POLK: variants seen among roughly 807,000 people sequenced by gnomAD.
The protein encoded by POLK is polymerase (DNA directed) kappa.
A neutral mutation model predicts 94.0 loss-of-function variants in POLK; 76 were observed. The ratio of observed to expected loss-of-function variants is 0.81; its 90% CI spans 0.67 to 0.98. POLK has a LOEUF of 0.98. POLK is among the 50% of genes least tolerant of loss of function. The pLI, the probability that POLK is intolerant of heterozygous loss-of-function variation, is 0.00. For missense variants in POLK, 954 were observed against 1,010.1 expected, an observed-to-expected ratio of 0.94 and a Z score of 0.75; for synonymous variants, 349 against 325.4, an observed-to-expected ratio of 1.07 and a Z score of -0.78.
intron 1 of POLK, among the ~76,000 whole-genome samples, chr5:75,516,739 T>C (rs1302150468): frequency 6.6e-6 from 1 of 152,232 alleles, no homozygotes; most frequent in African/African-American, 2.4e-5. Flanking sequence ...TACATTTTTC[T>C]AGTAGTTTCA....
At chr5:75,591,342 T>C (rs1441052288) in intron 11 of POLK, among the ~76,000 whole-genome samples, 1 of 152,214 alleles carries the variant, frequency 6.6e-6, no homozygotes, top group African/African-American at 2.4e-5. Flanking sequence ...AAAAAATTAC[T>C]ACAAAGAGTG....
intron 3 of POLK, among the ~76,000 whole-genome samples, chr5:75,557,027 C>CAT (rs1770660790): frequency 6.6e-6 from 1 of 152,114 alleles, no homozygotes; most frequent in African/African-American, 2.4e-5. Context: ...TGCACCACTG[C>CAT]ACTCCAGCCT....
intron 4 of POLK, among the ~76,000 whole-genome samples, chr5:75,573,326 A>G (rs552125898): frequency 6.6e-6 from 1 of 152,142 alleles, no homozygotes; most frequent in Non-Finnish European, 1.5e-5. Context: ...GAACACGTGG[A>G]CACAGGAAGG....
intron 1 of POLK, among the ~76,000 whole-genome samples, chr5:75,538,105 C>G (rs1266878035): frequency 1.3e-5 from 2 of 152,310 alleles, no homozygotes; most frequent in Admixed American, 6.5e-5. Flanking sequence ...ATCCACCCGC[C>G]TCGGCCTCCC....
At chr5:75,556,814 C>G (rs867613275) in intron 3 of POLK, among the ~76,000 whole-genome samples, 25 of 151,962 alleles carry the variant, frequency 1.6e-4, no homozygotes, top group African/African-American at 5.8e-4. Flanking sequence ...GTAATCCCAG[C>G]ACTTTGGGAG....
chr5:75,555,387 A>G lies in POLK; in HGVS notation c.255+2796A>G, dbSNP rs575419692. Among the ~76,000 whole-genome samples the G allele has an allele frequency of 7.0e-4, 107 of 152,206 alleles. 1 individual carries two copies. Among genetic ancestry groups the G allele is most frequent in the African/African-American group, 2.5e-3 (104 of 41,544 alleles). On this transcript the variant is annotated intron_variant, in intron 3 of 14. Coordinates refer to ENST00000241436, the Ensembl canonical transcript of POLK. ...TTTTCCCTTTTCCAGAATGTCATAT[A>G]TTAGAATCATACAGGATGTAGCCTT... is the stretch of plus-strand genomic sequence containing the variant.
chr5:75,597,584 T>C (rs1054950309), intron 13 of POLK, 163 bp from the exon 14 acceptor site: 5 of 439,722 alleles, frequency 1.1e-5, no homozygotes, highest in Admixed American at 7.9e-5. Flanking sequence ...CTAATAAAAT[T>C]AGTAAATTAC....
At chr5:75,510,862 C>A (rs1767932018), upstream of POLK, among the ~76,000 whole-genome samples, 1 of 152,202 alleles carries the variant, frequency 6.6e-6, no homozygotes, top group Non-Finnish European at 1.5e-5. Flanking sequence ...TCACGGCGCG[C>A]ATCTGGCCTC....
At chr5:75,532,855 CAT>C (rs879336320) in intron 1 of POLK, among the ~76,000 whole-genome samples, 7 of 152,060 alleles carry the variant, frequency 4.6e-5, no homozygotes, top group Non-Finnish European at 7.4e-5. Flanking sequence ...AGCATTTTTT[CAT>C]ATGTTTGTTA....
intron 12 of POLK, among the ~76,000 whole-genome samples, chr5:75,595,612 A>AT (rs1181488224): frequency 6.6e-6 from 1 of 152,214 alleles, no homozygotes; most frequent in African/African-American, 2.4e-5. Flanking sequence ...AAACACAGGA[A>AT]TTTTAGGGCA....
chr5:75,517,150 G>A (rs548358564), intron 1 of POLK, among the ~76,000 whole-genome samples: 92 of 152,008 alleles, frequency 6.1e-4, no homozygotes, highest in Middle Eastern at 3.4e-3. Context: ...TTCTATATAC[G>A]TTTTAGGATT....
chr5:75,581,425 A>G, exon 7 of POLK: 1 of 1,613,710 alleles, frequency 6.2e-7, no homozygotes. Flanking sequence ...ATTGAGCAGA[A>G]AACAACACTG....
chr5:75,536,774 T>G (rs1474267516), intron 1 of POLK, among the ~76,000 whole-genome samples: 1 of 151,930 alleles, frequency 6.6e-6, no homozygotes, highest in Admixed American at 6.5e-5. Context: ...CTTGTCTGGG[T>G]GTTTACTGGG....
intron 3 of POLK, 115 bp from the exon 4 acceptor site, chr5:75,569,225 A>G: frequency 1.5e-6 from 1 of 666,670 alleles, no homozygotes; most frequent in Non-Finnish European, 2.5e-6. Context: ...GGATGGATGA[A>G]TGGGTGTGTG....
chr5:75,602,779 AT>A (rs1773323519), downstream of POLK, among the ~76,000 whole-genome samples: 1 of 152,236 alleles, frequency 6.6e-6, no homozygotes, highest in Non-Finnish European at 1.5e-5. Context: ...CTTTTTTAAT[AT>A]CAGTCTTTAC....
intron 3 of POLK, among the ~76,000 whole-genome samples, chr5:75,555,474 A>T (rs757576040): frequency 2.6e-5 from 4 of 151,798 alleles, no homozygotes; most frequent in Non-Finnish European, 5.9e-5. Context: ...CATTTCCTTC[A>T]TGTCTTTTCA....
intron 4 of POLK, among the ~76,000 whole-genome samples, chr5:75,572,960 C>G (rs1055220982): frequency 6.6e-6 from 1 of 152,180 alleles, no homozygotes; most frequent in Admixed American, 6.5e-5. Flanking sequence ...TGTGGCGATT[C>G]CTCAGGGATC....
intron 3 of POLK, among the ~76,000 whole-genome samples, chr5:75,559,006 G>C (rs534907867): frequency 6.6e-6 from 1 of 152,146 alleles, no homozygotes; most frequent in Non-Finnish European, 1.5e-5. Context: ...TTTCATCAGA[G>C]GCTCTCTGGC....
chr5:75,596,611 A>T, exon 13 of POLK: 1 of 1,614,082 alleles, frequency 6.2e-7, no homozygotes, highest in Non-Finnish European at 8.5e-7. Flanking sequence ...GGAAGCCTTG[A>T]ATAAACATGT....
Sources: allele counts gnomAD v4.1 joint callset (sites outside exome capture counted in the v4.1 genomes callset), GRCh38; gene constraint gnomAD v4.1.1; transcripts MANE v1.5; gene names NCBI Gene and HGNC (gene_info 2026-07-23, HGNC 2026-07-21).